Variants in PAICS observed in about 807,000 individuals in gnomAD.
PAICS encodes phosphoribosylaminoimidazole carboxylase and phosphoribosylaminoimidazolesuccinocarboxamide synthase, also known as bifunctional phosphoribosylaminoimidazole carboxylase/phosphoribosylaminoimidazole succinocarboxamide synthetase.
Under a neutral mutation model 53.7 loss-of-function variants are expected in PAICS, and 33 were observed. The observed-to-expected ratio is 0.61, with a 90% confidence interval of 0.47 to 0.82. PAICS has a LOEUF of 0.82. PAICS is among the 40% of genes least tolerant of loss of function. PAICS has a pLI of 0.00. For missense variants in PAICS, 394 were observed against 494.1 expected, an observed-to-expected ratio of 0.80 and a Z score of 1.92; for synonymous variants, 141 against 167.2, an observed-to-expected ratio of 0.84 and a Z score of 1.21.
intron 1 of PAICS, among the ~76,000 whole-genome samples, chr4:56,438,395 AT>A (rs1718149682): frequency 4.0e-5 from 4 of 100,570 alleles, no homozygotes; most frequent in African/African-American, 1.5e-4. Flanking sequence ...ATATATATAT[AT>A]ATATATAAAA....
In PAICS at chr4:56,446,879, T is replaced by C. The variant is rs1450380781; in HGVS notation, c.393+6T>C. ...AAGTGGAGTTGTTTTTCAAGGTAAT[T>C]ATCTTATGCCTCTGTTTTATGTCTT... On this transcript the variant is annotated splice_donor_region_variant and intron_variant, in intron 3 of 8. Coordinates refer to ENST00000512576, the MANE Select transcript of PAICS (RefSeq NM_001079524.2). 1 of 1,564,448 alleles carries C rather than the reference T, an allele frequency of 6.4e-7. No homozygotes were observed. Among genetic ancestry groups the C allele is most frequent in the Non-Finnish European group, 8.8e-7 (1 of 1,140,210 alleles).
intron 1 of PAICS, among the ~76,000 whole-genome samples, chr4:56,437,501 A>G (rs1171357502): frequency 6.6e-6 from 1 of 152,040 alleles, no homozygotes; most frequent in Non-Finnish European, 1.5e-5. Flanking sequence ...TTCCACATAG[A>G]AAGTAACTGA....
chr4:56,449,257 C>T (rs1718777189), intron 5 of PAICS, among the ~76,000 whole-genome samples: 1 of 152,020 alleles, frequency 6.6e-6, no homozygotes, highest in African/African-American at 2.4e-5. Flanking sequence ...AGCCAACAAA[C>T]ATGAAAAAAA....
At chr4:56,447,004 TTG>T in intron 3 of PAICS, 131 bp downstream of exon 3, 1 of 491,162 alleles carries the variant, frequency 2.0e-6, no homozygotes, top group East Asian at 3.3e-5. Flanking sequence ...ATTCCAAAAT[TTG>T]TCTTATCTAG....
At chr4:56,440,049 C>T (rs1344656270) in intron 1 of PAICS, among the ~76,000 whole-genome samples, 1 of 152,190 alleles carries the variant, frequency 6.6e-6, no homozygotes, top group Non-Finnish European at 1.5e-5. Context: ...TTCCAAATAG[C>T]GTTTTGCTTT....
At chr4:56,427,261 T>C in the PAICS span, among the ~76,000 whole-genome samples, 7 of 152,218 alleles carry the variant, frequency 4.6e-5, no homozygotes, top group Non-Finnish European at 8.8e-5. Context: ...AAATTGTTGA[T>C]CATATGGTAA....
intron 2 of PAICS, among the ~76,000 whole-genome samples, chr4:56,444,296 T>G (rs368333439): frequency 1.3e-5 from 2 of 152,180 alleles, no homozygotes; most frequent in Admixed American, 1.3e-4. Context: ...TATAACTGTG[T>G]TATACAATTT....
upstream of PAICS, among the ~76,000 whole-genome samples, chr4:56,433,726 G>A (rs1052659363): frequency 2.0e-5 from 3 of 147,964 alleles, no homozygotes; most frequent in African/African-American, 7.6e-5. Flanking sequence ...ACGGAGTCTC[G>A]CTCTGTCGCC....
rs961232833 is a variant in PAICS at position 56,450,818 on chromosome 4, TTTG to T, written c.771+125_771+127del. 9.4e-5 allele frequency: 60 copies of T among 639,622 alleles called. No homozygotes were observed. In the Middle Eastern group the frequency reaches 1.6e-3, roughly 17 times the overall value. 39.6% of individuals were successfully genotyped at this position (639,622 alleles called of 1,614,324 possible). On this transcript the variant is annotated intron_variant, in intron 6 of 8. Coordinates refer to ENST00000512576, the MANE Select transcript of PAICS (RefSeq NM_001079524.2). Reference sequence around the variant, plus strand: ...GCTTTTCTTTTCAGTGACTTTGTTTTTTGTTGTTGTTTTTTTTGAGACGGAGTC... The same window carrying T: ...GCTTTTCTTTTCAGTGACTTTGTTTTTTGTTGTTTTTTTTGAGACGGAGTC...
chr4:56,428,046 TCTCA>T, the PAICS span, among the ~76,000 whole-genome samples: 1 of 152,198 alleles, frequency 6.6e-6, no homozygotes, highest in African/African-American at 2.4e-5. Context: ...AGCTAAATTT[TCTCA>T]CTAATAATGA....
chr4:56,434,669 C>T (rs548091169), upstream of PAICS, among the ~76,000 whole-genome samples: 45 of 152,308 alleles, frequency 3.0e-4, no homozygotes, highest in Middle Eastern at 0.01. Flanking sequence ...CGTTTTCATT[C>T]ATTAGGCAAG....
chr4:56,429,826 T>C, the PAICS span, among the ~76,000 whole-genome samples: 1 of 152,256 alleles, frequency 6.6e-6, no homozygotes, highest in Non-Finnish European at 1.5e-5. Context: ...CTATTCTCAC[T>C]TCTATCACCA....
intron 7 of PAICS, among the ~76,000 whole-genome samples, chr4:56,453,397 A>G (rs1719015050): frequency 6.6e-6 from 1 of 152,138 alleles, no homozygotes; most frequent in Non-Finnish European, 1.5e-5. Context: ...CAGCTACTTT[A>G]TTACTTGACT....
chr4:56,449,073 ATTATC>A (rs892939775), intron 5 of PAICS, among the ~76,000 whole-genome samples: 4 of 152,190 alleles, frequency 2.6e-5, no homozygotes, highest in South Asian at 2.1e-4. Flanking sequence ...AACAGCAAGT[ATTATC>A]TTTGTTTGGC....
At position 56,448,780 on chromosome 4, in the gene PAICS, G is replaced by C; in HGVS notation, c.644G>C (p.Arg215Thr). Residue 215 changes from arginine to threonine, a missense_variant, in exon 5 of 9, where the codon AGA becomes ACA. By Grantham distance (71) the Arg-to-Thr change is moderately conservative (BLOSUM62 -1). This residue lies in a region of PAICS where 131 missense variants were observed against 205.5 expected (regional missense o/e 0.64). Transcript: ENST00000512576. ...LADVIDNDSW[R>T]LWPSGDRSQQ... ...GATGTTATTGACAATGATTCCTGGA[G>C]ACTCTGGCCATCAGGAGATCGAAGC... 2 of 1,597,490 alleles carry C rather than the reference G, an allele frequency of 1.3e-6. No individual in the cohort carries two copies. Among genetic ancestry groups the C allele is most frequent in the Non-Finnish European group, 1.7e-6 (2 of 1,170,624 alleles).
At chr4:56,453,359 T>C (rs1047070190) in intron 7 of PAICS, among the ~76,000 whole-genome samples, 12 of 152,162 alleles carry the variant, frequency 7.9e-5, no homozygotes, top group African/African-American at 2.9e-4. Flanking sequence ...CTTTATAATG[T>C]AGATCTCAAA....
chr4:56,410,999 T>C, the PAICS span: 1 of 782,932 alleles, frequency 1.3e-6, no homozygotes, highest in Non-Finnish European at 1.5e-6. Flanking sequence ...TCTGTGGCCA[T>C]ATGATAAATA....
At chr4:56,436,479 G>T in intron 1 of PAICS, 151 bp downstream of exon 1, 1 of 733,856 alleles carries the variant, frequency 1.4e-6, no homozygotes, top group Non-Finnish European at 2.5e-6. Context: ...AGGCGCTCCC[G>T]GGCCTCCCCG....
intron 1 of PAICS, among the ~76,000 whole-genome samples, chr4:56,437,037 A>C (rs1011926102): frequency 6.6e-6 from 1 of 152,076 alleles, no homozygotes; most frequent in Admixed American, 6.6e-5. Context: ...GCGTGTGTGT[A>C]AGTAGTCTTT....
Sources: gnomAD v4.1 joint callset for allele counts (sites outside exome capture counted in the v4.1 genomes callset) on GRCh38, gnomAD v4.1.1 for gene constraint, gnomAD v4.1.1 regional missense constraint, MANE v1.5 for transcripts, NCBI Gene and HGNC (gene_info 2026-07-23, HGNC 2026-07-21) for gene names.